SLC1A3: variants seen among roughly 807,000 people sequenced by gnomAD.
SLC1A3 encodes the protein solute carrier family 1 member 3.
SLC1A3 carries 21 observed loss-of-function variants against 48.1 expected under a neutral mutation model. The ratio of observed to expected loss-of-function variants is 0.44; its 90% CI spans 0.31 to 0.63. SLC1A3 has a LOEUF of 0.63. Ranked by LOEUF, SLC1A3 falls within the 20% of genes least tolerant of loss-of-function variation. The pLI, the probability that SLC1A3 is intolerant of heterozygous loss-of-function variation, is 0.08. For synonymous variants in SLC1A3, 239 were observed against 251.4 expected, an observed-to-expected ratio of 0.95 and a Z score of 0.47; for missense variants, 546 against 689.0, an observed-to-expected ratio of 0.79 and a Z score of 2.32.
intron 3 of SLC1A3, among the ~76,000 whole-genome samples, chr5:36,663,380 ATTTTTTTTTT>A (rs1156283585): frequency 5.8e-5 from 4 of 69,338 alleles, no homozygotes; most frequent in Non-Finnish European, 1.0e-4. Flanking sequence ...CACGCCCGGC[ATTTTTTTTTT>A]TTTTTTTTTT....
upstream of SLC1A3, among the ~76,000 whole-genome samples, chr5:36,604,725 G>T (rs760251122): frequency 1.8e-4 from 27 of 152,232 alleles, no homozygotes; most frequent in Admixed American, 5.9e-4. Flanking sequence ...GGGCACCAGG[G>T]TCTTCCCATC....
chr5:36,663,296 A>G (rs761742720), intron 3 of SLC1A3, among the ~76,000 whole-genome samples: 7 of 149,080 alleles, frequency 4.7e-5, no homozygotes, highest in Non-Finnish European at 8.9e-5. Flanking sequence ...GCTCCCTGCA[A>G]CCTCCGCTTC....
chr5:36,665,721 C>G (rs1544795), intron 3 of SLC1A3, among the ~76,000 whole-genome samples: 67,148 of 152,070 alleles, frequency 0.44, 15,427 homozygotes, highest in Non-Finnish European at 0.49. Flanking sequence ...GAGGAGGAAA[C>G]TGAGGCTTGG....
chr5:36,596,656 C>T (rs1483776516), exon 1 of SLC1A3, among the ~76,000 whole-genome samples: 2 of 152,212 alleles, frequency 1.3e-5, no homozygotes, highest in East Asian at 3.8e-4. Context: ...GAGACTCCAG[C>T]TACCCTGTGC....
At position 36,671,090 on chromosome 5, in the gene SLC1A3, T is replaced by C. The variant is rs1426604219; in HGVS notation, c.381T>C (p.Tyr127=). The change falls in exon 4 of 10, where the codon TAT becomes TAC. Residue 127 remains tyrosine (Y), a synonymous_variant. Coordinates refer to ENST00000265113, the MANE Select transcript of SLC1A3 (RefSeq NM_004172.5). Reference sequence around the variant, plus strand: ...TGGGAATGCGAGCTGTAGTCTATTATATGACTACCACCATCATTGCTGTGG... The same window carrying C: ...TGGGAATGCGAGCTGTAGTCTATTACATGACTACCACCATCATTGCTGTGG... ...GKMGMRAVVY[Y]MTTTIIAVVI... The C allele has an allele frequency of 1.2e-6, 2 of 1,613,520 alleles. No individual in the cohort carries two copies. The highest frequency in any genetic ancestry group is 1.1e-5 in the South Asian group (1 of 91,074).
chr5:36,652,319 C>T (rs1429390682), intron 3 of SLC1A3, among the ~76,000 whole-genome samples: 2 of 117,582 alleles, frequency 1.7e-5, no homozygotes, highest in African/African-American at 5.5e-5. Flanking sequence ...TGAGCGCACA[C>T]ACACATACAC....
At chr5:36,629,356 A>G (rs1044296636) in intron 2 of SLC1A3, 94 bp from the exon 3 acceptor site, 1 of 1,091,164 alleles carries the variant, frequency 9.2e-7, no homozygotes, top group African/African-American at 1.6e-5. Flanking sequence ...AAATACAACC[A>G]CCAGCCAAAT....
rs1739111959 is a variant in SLC1A3 at position 36,609,591 on chromosome 5, CT to C, written c.181+993del. ...AAAATTCTGTAGTGTGTAAATATAA[CT>C]TTTTTCAAGAAAATTGAATTCTTAA... On this transcript the variant is annotated intron_variant, in intron 2 of 9. Coordinates refer to ENST00000265113, the MANE Select transcript of SLC1A3 (RefSeq NM_004172.5). 2.0e-5 allele frequency among the ~76,000 whole-genome samples: 3 copies of C among 152,068 alleles called. 1 individual carries two copies. Among genetic ancestry groups the C allele is most frequent in the African/African-American group, 7.2e-5 (3 of 41,400 alleles).
chr5:36,650,338 G>T (rs77922630), intron 3 of SLC1A3, among the ~76,000 whole-genome samples: 4,810 of 152,282 alleles, frequency 0.032, 104 homozygotes, highest in Non-Finnish European at 0.049. Context: ...ATTATCACTT[G>T]TTAAAACATA....
At chr5:36,646,950 T>C (rs1326587396) in intron 3 of SLC1A3, among the ~76,000 whole-genome samples, 5 of 152,268 alleles carry the variant, frequency 3.3e-5, no homozygotes, top group African/African-American at 1.2e-4. Context: ...GGCAGGAATT[T>C]TAAAAGTATA....
chr5:36,688,313 G>GA lies in SLC1A3; in HGVS notation c.*2051dup, dbSNP rs989474158. On this transcript the variant is annotated 3_prime_UTR_variant, in exon 10 of 10. Transcript: ENST00000265113. ...ACTTTGTAGATGTATTTTCAATAAA[G>GA]AAAAAAATAGTTTTACATTAACATC... 9.2e-5 allele frequency: 14 copies of GA among 152,072 alleles called. No homozygotes were observed. The highest frequency in any genetic ancestry group is 3.4e-4 in the African/African-American group (14 of 41,402). The allele number at this position is 152,072 out of a possible 1,614,324, so 9.4% of individuals were successfully genotyped here.
intron 2 of SLC1A3, among the ~76,000 whole-genome samples, chr5:36,610,505 C>A (rs1259188780): frequency 6.6e-6 from 1 of 151,996 alleles, no homozygotes; most frequent in Non-Finnish European, 1.5e-5. Flanking sequence ...TTGTAAACAC[C>A]AGAAGAGTGG....
chr5:36,686,329 C>T lies in SLC1A3; in HGVS notation c.*60C>T. The T allele has an allele frequency of 7.7e-7, 1 of 1,304,414 alleles. No individual in the cohort carries two copies. The highest frequency in any genetic ancestry group is 1.1e-6 in the Non-Finnish European group (1 of 898,336). 80.8% of individuals were successfully genotyped at this position (1,304,414 alleles called of 1,614,324 possible). On this transcript the variant is annotated 3_prime_UTR_variant, in exon 10 of 10. Transcript: ENST00000265113. ...TGTTAAAAACCATTATAAAATCTTT[C>T]CATCTCATTACAGCTCATTCGCTCC...
chr5:36,627,976 T>G (rs1026598615), intron 2 of SLC1A3, among the ~76,000 whole-genome samples: 2 of 152,200 alleles, frequency 1.3e-5, no homozygotes, highest in African/African-American at 4.8e-5. Context: ...GCTGCTAACC[T>G]AGGCAACACC....
intron 8 of SLC1A3, among the ~76,000 whole-genome samples, chr5:36,681,132 C>T (rs1742428001): frequency 6.6e-6 from 1 of 152,192 alleles, no homozygotes; most frequent in Non-Finnish European, 1.5e-5. Context: ...CCTGCCATCA[C>T]ATCGCTCCAC....
intron 3 of SLC1A3, chr5:36,666,593 G>C (rs1741758360): frequency 6.6e-6 from 1 of 152,206 alleles, no homozygotes; most frequent in Admixed American, 6.5e-5. Context: ...TTGTTGAGGG[G>C]AGTACACTGA....
At chr5:36,672,829 T>C (rs1742051625) in intron 4 of SLC1A3, among the ~76,000 whole-genome samples, 1 of 152,244 alleles carries the variant, frequency 6.6e-6, no homozygotes, top group South Asian at 2.1e-4. Flanking sequence ...GCTATGTTTT[T>C]ATTTAGTTCA....
At chr5:36,666,941 T>C (rs1247830068) in intron 3 of SLC1A3, among the ~76,000 whole-genome samples, 1 of 152,212 alleles carries the variant, frequency 6.6e-6, no homozygotes, top group Admixed American at 6.5e-5. Context: ...CTTTCCTCTC[T>C]CTTCCATGTG....
Position 36,676,953 on chromosome 5 carries a change from T to A in SLC1A3, c.629T>A (p.Val210Glu). The part of the protein sequence containing the change: ...KVPIQANETL[V>E]GAVINNVSEA... ...CCCATCCAGGCCAACGAAACGCTTG[T>A]GGGTGCTGTGATAAACAATGTGTCT... The change falls in exon 6 of 10, where the codon GTG becomes GAG. Residue 210 changes from valine to glutamate, a missense_variant. This residue lies in a region of SLC1A3 where 348 missense variants were observed against 392.0 expected (regional missense o/e 0.89). Transcript: ENST00000265113. The A allele has an allele frequency of 1.9e-6, 3 of 1,614,006 alleles. No individual in the cohort carries two copies. The African/African-American group carries it at 4.0e-5, about 22-fold the overall frequency.
Sources: gnomAD v4.1 joint callset for allele counts (sites outside exome capture counted in the v4.1 genomes callset) on GRCh38, gnomAD v4.1.1 for gene constraint, gnomAD v4.1.1 regional missense constraint, MANE v1.5 for transcripts, NCBI Gene and HGNC (gene_info 2026-07-23, HGNC 2026-07-21) for gene names.